SGMS1: variants seen among roughly 807,000 people sequenced by gnomAD.
SGMS1 encodes phosphatidylcholine:ceramide cholinephosphotransferase 1.
SGMS1 carries 13 observed loss-of-function variants against 46.2 expected under a neutral mutation model. The observed-to-expected ratio is 0.28, with a 90% CI of 0.18 to 0.45. The LOEUF is 0.45. SGMS1 is among the 20% of genes least tolerant of loss of function. SGMS1 has a pLI of 1.00. For synonymous variants in SGMS1, 203 were observed against 187.8 expected (o/e 1.08, Z -0.66); for missense variants, 324 against 519.9 (o/e 0.62, Z 3.66).
intron 3 of SGMS1, among the ~76,000 whole-genome samples, chr10:50,485,070 A>G (rs1837508240): frequency 6.6e-6 from 1 of 152,192 alleles, no homozygotes; most frequent in African/African-American, 2.4e-5. Flanking sequence ...GAAAGAAATA[A>G]AGGGTATTCA....
chr10:50,388,663 T>A (rs902150728), intron 6 of SGMS1, among the ~76,000 whole-genome samples: 3 of 151,976 alleles, frequency 2.0e-5, no homozygotes, highest in African/African-American at 7.2e-5. Context: ...GTGCCTCACA[T>A]ATAGCGAGCG....
chr10:50,474,927 T>C (rs1239502385), intron 3 of SGMS1, among the ~76,000 whole-genome samples: 1 of 152,214 alleles, frequency 6.6e-6, no homozygotes, highest in Admixed American at 6.5e-5. Flanking sequence ...ATTCTTATTA[T>C]TCAGGCTTTA....
intron 7 of SGMS1, among the ~76,000 whole-genome samples, chr10:50,337,180 A>G (rs181733902): frequency 1.3e-5 from 2 of 152,180 alleles, no homozygotes; most frequent in African/African-American, 4.8e-5. Flanking sequence ...TAGACAACAC[A>G]TTTTCAAAAA....
intron 5 of SGMS1, among the ~76,000 whole-genome samples, chr10:50,449,808 A>G (rs1837078057): frequency 6.6e-6 from 1 of 151,892 alleles, no homozygotes; most frequent in African/African-American, 2.4e-5. Context: ...CTAGTTTGTC[A>G]TCTTTCTCCC....
intron 6 of SGMS1, among the ~76,000 whole-genome samples, chr10:50,373,874 G>GT (rs1848482250): frequency 6.6e-6 from 1 of 152,122 alleles, no homozygotes; most frequent in South Asian, 2.1e-4. Context: ...TCTTGACCAT[G>GT]TGCTACTCCT....
intron 6 of SGMS1, among the ~76,000 whole-genome samples, chr10:50,388,023 C>A (rs1265203447): frequency 1.3e-5 from 2 of 152,124 alleles, no homozygotes; most frequent in African/African-American, 2.4e-5. Flanking sequence ...TACAGAGAAA[C>A]CTTTACACTG....
intron 6 of SGMS1, among the ~76,000 whole-genome samples, chr10:50,355,093 G>A (rs1848117707): frequency 1.3e-5 from 2 of 152,188 alleles, no homozygotes; most frequent in Non-Finnish European, 2.9e-5. Context: ...CCATTACTGG[G>A]TATATACCCA....
In SGMS1 at chr10:50,343,940, G is replaced by A; in HGVS notation, c.175C>T (p.Arg59Trp). ...LCRVSSDNGQ[R>W]LLDMIETLKM... ...AGGGTTTCTATCATGTCCAGGAGCC[G>A]CTGCCCATTGTCAGAGGAGACTCGG... The change falls in exon 7 of 11, where the codon CGG becomes TGG. Residue 59 changes from arginine to tryptophan, a missense_variant. Around this residue, in one of 2 missense-constraint regions of SGMS1, gnomAD observed 150 missense variants for 169.8 expected, o/e 0.88. Coordinates refer to ENST00000361781, the MANE Select transcript of SGMS1 (RefSeq NM_147156.4). 1.9e-6 allele frequency: 3 copies of A among 1,613,954 alleles called. No homozygotes were observed. Among genetic ancestry groups the A allele is most frequent in the Non-Finnish European group, 2.5e-6 (3 of 1,179,904 alleles).
intron 6 of SGMS1, 65 bp from the exon 7 acceptor site, chr10:50,344,410 C>T (rs1847880158): frequency 3.2e-6 from 1 of 316,254 alleles, no homozygotes; most frequent in Non-Finnish European, 5.8e-6. Flanking sequence ...AAACGCAAAG[C>T]CTTATATACA....
At chr10:50,463,674 G>A (rs759688920) in intron 4 of SGMS1, among the ~76,000 whole-genome samples, 17 of 152,148 alleles carry the variant, frequency 1.1e-4, no homozygotes, top group Non-Finnish European at 2.2e-4. Flanking sequence ...CTCACTTCTG[G>A]TATGCATCTG....
chr10:50,321,477 T>C (rs1847442775), intron 8 of SGMS1, among the ~76,000 whole-genome samples: 1 of 151,672 alleles, frequency 6.6e-6, no homozygotes, highest in African/African-American at 2.4e-5. Context: ...ACAGCAGCAA[T>C]GAGAGAAAAG....
chr10:50,531,784 T>A (rs1837955626), intron 2 of SGMS1, among the ~76,000 whole-genome samples: 1 of 152,268 alleles, frequency 6.6e-6, no homozygotes, highest in South Asian at 2.1e-4. Context: ...AGTACCACCA[T>A]CTCCACCTAC....
chr10:50,623,490 C>G (rs1838877105), intron 1 of SGMS1: 1 of 835,914 alleles, frequency 1.2e-6, no homozygotes, highest in Admixed American at 6.2e-5. Flanking sequence ...CGGATCCCGG[C>G]CGCCGGACCT....
chr10:50,579,259 G>T (rs138519100), intron 2 of SGMS1, among the ~76,000 whole-genome samples: 2 of 152,026 alleles, frequency 1.3e-5, no homozygotes, highest in Non-Finnish European at 2.9e-5. Flanking sequence ...AAGCAGATGC[G>T]GAAAGCAGAA....
intron 6 of SGMS1, among the ~76,000 whole-genome samples, chr10:50,349,151 T>C (rs1847963813): frequency 6.6e-6 from 1 of 152,224 alleles, no homozygotes; most frequent in Non-Finnish European, 1.5e-5. Flanking sequence ...ATTAATGGCT[T>C]CTATTAACTA....
intron 7 of SGMS1, among the ~76,000 whole-genome samples, chr10:50,329,171 C>G (rs1847576453): frequency 6.6e-6 from 1 of 152,192 alleles, no homozygotes; most frequent in African/African-American, 2.4e-5. Context: ...CACACACACA[C>G]CACCCCAATA....
chr10:50,604,816 A>T lies in SGMS1; in HGVS notation c.-683-14569T>A, dbSNP rs548806738. Among the ~76,000 whole-genome samples, 7 of 151,156 alleles carry T rather than the reference A, an allele frequency of 4.6e-5. No homozygotes were observed. In the East Asian group the frequency reaches 7.8e-4, roughly 17 times the overall value. ...CATACACCCATCAGTAAAAAGACCA[A>T]GACAGACTCCAAAAAAATGACTAAA... is the stretch of plus-strand genomic sequence containing the variant. On this transcript the variant is annotated intron_variant, in intron 1 of 10. Transcript: ENST00000361781.
At chr10:50,415,814 T>C (rs1029418599) in intron 6 of SGMS1, among the ~76,000 whole-genome samples, 3 of 152,164 alleles carry the variant, frequency 2.0e-5, no homozygotes, top group Non-Finnish European at 4.4e-5. Flanking sequence ...AACGCTAATC[T>C]AGGTGCTAAC....
chr10:50,548,597 T>C (rs1838121702), intron 2 of SGMS1, among the ~76,000 whole-genome samples: 1 of 152,148 alleles, frequency 6.6e-6, no homozygotes, highest in African/African-American at 2.4e-5. Flanking sequence ...AACCCAAAAC[T>C]ATAAAATCCC....
Sources: allele counts gnomAD v4.1 joint callset (sites outside exome capture counted in the v4.1 genomes callset), GRCh38; gene constraint gnomAD v4.1.1; regional missense constraint gnomAD v4.1.1; transcripts MANE v1.5; gene names NCBI Gene and HGNC (gene_info 2026-07-23, HGNC 2026-07-21).